The following TASP1 variants were observed in gnomAD, a reference collection of about 807,000 sequenced individuals.
TASP1 encodes the protein threonine aspartase 1.
In TASP1, 16 loss-of-function variants were observed where a neutral mutation model predicts 56.6. The ratio of observed to expected loss-of-function variants is 0.28; its 90% CI spans 0.19 to 0.43. TASP1 has a LOEUF of 0.43. Among genes scored for constraint, TASP1 ranks in the 20% least tolerant of loss-of-function variants. The pLI is 1.00. For missense variants in TASP1, 393 were observed against 511.6 expected (o/e 0.77, Z 2.24); for synonymous variants, 179 against 184.2 (o/e 0.97, Z 0.23).
intron 13 of TASP1, among the ~76,000 whole-genome samples, chr20:13,409,908 A>G (rs2042042460): frequency 6.6e-6 from 1 of 152,164 alleles, no homozygotes; most frequent in Non-Finnish European, 1.5e-5. Context: ...TTACTCTATC[A>G]AAAATTAGAA....
chr20:13,167,149 G>A, the TASP1 span: 1 of 152,162 alleles, frequency 6.6e-6, no homozygotes, highest in African/African-American at 2.4e-5. Flanking sequence ...TAGAGTATAT[G>A]TCATATAGAA....
chr20:13,173,146 T>C, the TASP1 span, among the ~76,000 whole-genome samples: 2 of 152,168 alleles, frequency 1.3e-5, no homozygotes, highest in East Asian at 3.9e-4. Context: ...TCTGACTCTT[T>C]AGACACATTG....
chr20:13,523,496 A>G (rs970722524), intron 10 of TASP1, among the ~76,000 whole-genome samples: 3 of 152,194 alleles, frequency 2.0e-5, no homozygotes, highest in African/African-American at 7.2e-5. Flanking sequence ...TCCCATAGAC[A>G]ATCTCCCACA....
chr20:13,420,225 T>A (rs1268841929), intron 12 of TASP1, among the ~76,000 whole-genome samples: 1 of 152,216 alleles, frequency 6.6e-6, no homozygotes, highest in African/African-American at 2.4e-5. Context: ...AAATGTATTA[T>A]TCTCCCTATA....
the TASP1 span, among the ~76,000 whole-genome samples, chr20:13,361,510 C>A: frequency 2.8e-3 from 427 of 152,202 alleles, 1 homozygote; most frequent in East Asian, 9.3e-3. Flanking sequence ...CCACCAACTT[C>A]AAAAGGACTG....
intron 12 of TASP1, among the ~76,000 whole-genome samples, chr20:13,427,393 T>G (rs1027355754): frequency 2.0e-5 from 3 of 152,230 alleles, no homozygotes; most frequent in Non-Finnish European, 4.4e-5. Context: ...TGAGTTCTAA[T>G]TGGCCACAGT....
intron 2 of TASP1, among the ~76,000 whole-genome samples, chr20:13,629,104 G>A (rs1439193550): frequency 1.3e-5 from 2 of 152,130 alleles, no homozygotes; most frequent in African/African-American, 2.4e-5. Context: ...GGTGGCTTAC[G>A]CCTGTAATCC....
At chr20:13,303,905 G>A in the TASP1 span, among the ~76,000 whole-genome samples, 1 of 152,184 alleles carries the variant, frequency 6.6e-6, no homozygotes, top group East Asian at 1.9e-4. Flanking sequence ...GCTGGTTGCT[G>A]TAACAAATAA....
At chr20:13,134,763 C>CA in the TASP1 span, among the ~76,000 whole-genome samples, 5,436 of 145,004 alleles carry the variant, frequency 0.037, 315 homozygotes, top group African/African-American at 0.13. Flanking sequence ...AAGGACCTAG[C>CA]AAAAAAAAAG....
the TASP1 span, among the ~76,000 whole-genome samples, chr20:13,172,453 T>C: frequency 1.3e-5 from 2 of 152,184 alleles, no homozygotes; most frequent in Non-Finnish European, 2.9e-5. Context: ...ATAACATTTG[T>C]CAATCTTATA....
the TASP1 span, among the ~76,000 whole-genome samples, chr20:13,360,587 T>C: frequency 6.6e-6 from 1 of 152,222 alleles, no homozygotes; most frequent in African/African-American, 2.4e-5. Flanking sequence ...CTAGCCCTCA[T>C]GTCTGCGTGC....
the TASP1 span, among the ~76,000 whole-genome samples, chr20:13,265,422 G>A: frequency 6.6e-6 from 1 of 152,262 alleles, no homozygotes; most frequent in East Asian, 1.9e-4. Flanking sequence ...GATTTTGATA[G>A]ATTCAGTGTA....
the TASP1 span, among the ~76,000 whole-genome samples, chr20:13,251,439 ATC>A: frequency 6.6e-6 from 1 of 152,170 alleles, no homozygotes; most frequent in Non-Finnish European, 1.5e-5. Flanking sequence ...GCGTCGTGGA[ATC>A]TCTGTTCAAA....
At chr20:13,409,364 C>T (rs6042077) in intron 13 of TASP1, among the ~76,000 whole-genome samples, 15,836 of 151,960 alleles carry the variant, frequency 0.1, 1,643 homozygotes, top group African/African-American at 0.27. Context: ...ACTATGACTA[C>T]AGATTTGTCT....
chr20:13,454,091 C>T (rs1448538793), intron 11 of TASP1, among the ~76,000 whole-genome samples: 1 of 151,416 alleles, frequency 6.6e-6, no homozygotes, highest in Admixed American at 6.6e-5. Context: ...AGGCCAGTGT[C>T]CTGAGCAAGA....
intron 11 of TASP1, among the ~76,000 whole-genome samples, chr20:13,458,293 AAG>A (rs2043921045): frequency 6.6e-6 from 1 of 152,132 alleles, no homozygotes; most frequent in Non-Finnish European, 1.5e-5. Flanking sequence ...AAGGAAGAAA[AAG>A]AGTGCCAGTA....
the TASP1 span, among the ~76,000 whole-genome samples, chr20:13,157,326 A>G: frequency 1.3e-5 from 2 of 152,020 alleles, no homozygotes; most frequent in Admixed American, 1.3e-4. Context: ...ACTCTCAGCT[A>G]CTTGGGAGAT....
At chr20:13,395,263 C>T (rs1313368282) in intron 13 of TASP1, among the ~76,000 whole-genome samples, 1 of 152,196 alleles carries the variant, frequency 6.6e-6, no homozygotes, top group Non-Finnish European at 1.5e-5. Context: ...ACATGAAAAA[C>T]ACTAGGGTAA....
At chr20:13,459,921 T>C (rs1054583873) in intron 11 of TASP1, among the ~76,000 whole-genome samples, 11 of 152,158 alleles carry the variant, frequency 7.2e-5, no homozygotes, top group Non-Finnish European at 1.5e-4. Context: ...TCCTGTATTA[T>C]TTGCTCTAAC....
Sources: allele counts gnomAD v4.1 joint callset (sites outside exome capture counted in the v4.1 genomes callset), GRCh38; gene constraint gnomAD v4.1.1; transcripts MANE v1.5; gene names NCBI Gene and HGNC (gene_info 2026-07-23, HGNC 2026-07-21).